Variants in SCTR observed in about 807,000 individuals in gnomAD.
SCTR encodes pancreatic secretin receptor.
SCTR carries 56 observed loss-of-function variants against 60.8 expected under a neutral mutation model. That is an observed-to-expected ratio of 0.92 (90% CI 0.74 to 1.15). The LOEUF (loss-of-function observed/expected upper bound fraction) is 1.15. Among genes scored for constraint, SCTR ranks in the 50% most tolerant of loss-of-function variants. The pLI is 0.00. For missense variants in SCTR, 562 were observed against 550.4 expected, an observed-to-expected ratio of 1.02 and a Z score of -0.21; for synonymous variants, 202 against 217.0, an observed-to-expected ratio of 0.93 and a Z score of 0.61.
intron 1 of SCTR, among the ~76,000 whole-genome samples, 154 bp downstream of exon 1, chr2:119,524,001 G>A (rs1679372113): frequency 6.6e-6 from 1 of 152,180 alleles, no homozygotes; most frequent in Admixed American, 6.5e-5. Flanking sequence ...AGAGCTGGGA[G>A]AGATTAATGT....
At chr2:119,510,528 G>A (rs928722755) in intron 1 of SCTR, among the ~76,000 whole-genome samples, 9 of 152,130 alleles carry the variant, frequency 5.9e-5, no homozygotes, top group Non-Finnish European at 1.3e-4. Context: ...CATCAACCTA[G>A]AGAAGAGGGG....
chr2:119,485,589 C>T (rs1248590817), intron 2 of SCTR, among the ~76,000 whole-genome samples: 2 of 152,234 alleles, frequency 1.3e-5, no homozygotes, highest in African/African-American at 4.8e-5. Flanking sequence ...GGCAGGGGGC[C>T]AGGAACAGCC....
At chr2:119,481,317 T>C (rs2104857871) in intron 2 of SCTR, among the ~76,000 whole-genome samples, 1 of 152,310 alleles carries the variant, frequency 6.6e-6, no homozygotes, top group Non-Finnish European at 1.5e-5. Flanking sequence ...TCATCCCCTC[T>C]AAGTGAAATC....
At chr2:119,461,539 C>A in intron 7 of SCTR, among the ~76,000 whole-genome samples, 1 of 152,258 alleles carries the variant, frequency 6.6e-6, no homozygotes, top group Non-Finnish European at 1.5e-5. Context: ...GGGCGAAACC[C>A]TGTCTCTACT....
intron 3 of SCTR, 102 bp downstream of exon 3, chr2:119,478,709 G>C: frequency 1.0e-6 from 1 of 964,878 alleles, no homozygotes; most frequent in Non-Finnish European, 1.6e-6. Context: ...ACCCATACTT[G>C]TCCTCAGAGA....
At chr2:119,440,781 A>G (rs1398362925) in intron 12 of SCTR, among the ~76,000 whole-genome samples, 2 of 152,184 alleles carry the variant, frequency 1.3e-5, no homozygotes, top group African/African-American at 2.4e-5. Flanking sequence ...CCAGGAAGCC[A>G]CCCAAGCTCA....
At chr2:119,519,851 GAAAA>G (rs71297142) in intron 1 of SCTR, among the ~76,000 whole-genome samples, 1 of 131,106 alleles carries the variant, frequency 7.6e-6, no homozygotes, top group Non-Finnish European at 1.6e-5. Context: ...GAAAAACAAA[GAAAA>G]AAAAAAGAAA....
chr2:119,477,422 C>T (rs1677376619), intron 3 of SCTR, among the ~76,000 whole-genome samples: 1 of 151,424 alleles, frequency 6.6e-6, no homozygotes, highest in African/African-American at 2.4e-5. Context: ...ATACCTGTTT[C>T]CTGTTCTGGA....
chr2:119,518,682 C>T (rs1679188258), intron 1 of SCTR, among the ~76,000 whole-genome samples: 1 of 152,132 alleles, frequency 6.6e-6, no homozygotes, highest in Admixed American at 6.5e-5. Flanking sequence ...GCAGGTTGTC[C>T]CGAAGCCTGA....
intron 3 of SCTR, among the ~76,000 whole-genome samples, chr2:119,476,198 G>A (rs1184331739): frequency 6.6e-6 from 1 of 152,184 alleles, no homozygotes. Context: ...GAGATGAAGG[G>A]GCAGGAGTCT....
At chr2:119,474,380 G>A (rs1425468654) in intron 3 of SCTR, among the ~76,000 whole-genome samples, 5 of 152,312 alleles carry the variant, frequency 3.3e-5, no homozygotes, top group East Asian at 1.9e-4. Flanking sequence ...CCCAGCCTGC[G>A]GAAGGGAGCC....
At chr2:119,453,593 A>C (rs1683256949) in intron 7 of SCTR, among the ~76,000 whole-genome samples, 1 of 152,208 alleles carries the variant, frequency 6.6e-6, no homozygotes. Flanking sequence ...ACTTGGTGTT[A>C]GGGGTCTCCT....
At chr2:119,449,999 AGAGG>A (rs879608272) in intron 9 of SCTR, among the ~76,000 whole-genome samples, 1,551 of 123,848 alleles carry the variant, frequency 0.013, 23 homozygotes, top group Non-Finnish European at 0.021. Flanking sequence ...GAAGGAAGAA[AGAGG>A]GAGGGAGGGA....
At chr2:119,451,017 G>A (rs10166664) in intron 9 of SCTR, among the ~76,000 whole-genome samples, 135,852 of 152,254 alleles carry the variant, frequency 0.89, 60,814 homozygotes, top group African/African-American at 0.96. Context: ...CTCAGATTAT[G>A]TAATTAAAAA....
At chr2:119,471,551 G>C (rs550183012) in intron 4 of SCTR, among the ~76,000 whole-genome samples, 1 of 152,328 alleles carries the variant, frequency 6.6e-6, no homozygotes, top group East Asian at 1.9e-4. Context: ...GCGCTACAGA[G>C]AGAGGGGTCT....
At chr2:119,519,978 A>G (rs1679240793) in intron 1 of SCTR, among the ~76,000 whole-genome samples, 1 of 152,108 alleles carries the variant, frequency 6.6e-6, no homozygotes, top group South Asian at 2.1e-4. Flanking sequence ...CATCTGCACC[A>G]TGGGGCTAAT....
chr2:119,494,585 C>A (rs781200062), intron 1 of SCTR, 37 bp from the exon 2 acceptor site: 3 of 1,610,834 alleles, frequency 1.9e-6, no homozygotes, highest in Admixed American at 3.3e-5. Context: ...ATCATTGCCA[C>A]TAACTCAATT....
At chr2:119,522,770 C>T (rs760831867) in intron 1 of SCTR, among the ~76,000 whole-genome samples, 1 of 152,174 alleles carries the variant, frequency 6.6e-6, no homozygotes, top group Non-Finnish European at 1.5e-5. Context: ...CCCCCAGCCA[C>T]GGAATAACAC....
At chr2:119,483,320 C>T (rs529874403) in intron 2 of SCTR, among the ~76,000 whole-genome samples, 10 of 152,314 alleles carry the variant, frequency 6.6e-5, no homozygotes, top group African/African-American at 2.2e-4. Flanking sequence ...GCTGAGGTTC[C>T]AAGAGGGGGA....
Sources: allele counts gnomAD v4.1 joint callset (sites outside exome capture counted in the v4.1 genomes callset), GRCh38; gene constraint gnomAD v4.1.1; transcripts MANE v1.5; gene names NCBI Gene and HGNC (gene_info 2026-07-23, HGNC 2026-07-21).